The following LEPR variants were observed in gnomAD, a reference collection of about 807,000 sequenced individuals.
LEPR encodes OB receptor.
Under a neutral mutation model 114.7 loss-of-function variants are expected in LEPR, and 56 were observed. The observed-to-expected ratio is 0.49, with a 90% confidence interval of 0.39 to 0.61. LEPR has a LOEUF of 0.61. Among genes scored for constraint, LEPR ranks in the 20% least tolerant of loss-of-function variants. The probability of loss-of-function intolerance (pLI) is 0.00; values close to 1 mark genes in which losing one functional copy is unlikely to be tolerated. For missense variants in LEPR, 1,202 were observed against 1,352.9 expected, an observed-to-expected ratio of 0.89 and a Z score of 1.75; for synonymous variants, 443 against 461.4, an observed-to-expected ratio of 0.96 and a Z score of 0.51.
chr1:65,609,561 G>A (rs1657035176), intron 12 of LEPR, among the ~76,000 whole-genome samples: 1 of 152,180 alleles, frequency 6.6e-6, no homozygotes, highest in Non-Finnish European at 1.5e-5. Flanking sequence ...GAAGAATACT[G>A]AATATCAGCG....
intron 5 of LEPR, chr1:65,576,971 T>G: frequency 3.1e-6 from 1 of 322,848 alleles, no homozygotes. Context: ...CTCCAGCCAT[T>G]ATCGGTGACT....
At chr1:65,519,471 C>T (rs574798996) in intron 2 of LEPR, among the ~76,000 whole-genome samples, 2 of 152,026 alleles carry the variant, frequency 1.3e-5, no homozygotes, top group East Asian at 1.9e-4. Flanking sequence ...CTTTCATGTC[C>T]GTATTTCTAT....
Position 65,570,762 on chromosome 1 carries a change from A to G in LEPR, c.330A>G (p.Thr110=). The G allele has an allele frequency of 6.3e-7, 1 of 1,576,828 alleles. No homozygotes were observed. Among genetic ancestry groups the G allele is most frequent in the South Asian group, 1.2e-5 (1 of 85,106 alleles). Residue 110 remains threonine, a synonymous_variant, in exon 4 of 20, where the codon ACA becomes ACG. Transcript: ENST00000349533. ...GTGCAGACAACATTGAAGGAAAGAC[A>G]TTTGTTTCAACAGTAAATTCTTTAG... is the stretch of plus-strand genomic sequence containing the variant. ...SLCADNIEGK[T]FVSTVNSLVF... is the part of the protein sequence containing the mutation.
intron 11 of LEPR, among the ~76,000 whole-genome samples, chr1:65,606,006 A>G (rs1656783925): frequency 6.6e-6 from 1 of 152,198 alleles, no homozygotes; most frequent in South Asian, 2.1e-4. Flanking sequence ...ATTCCTCAGT[A>G]GGAAACATGT....
In LEPR at chr1:65,633,585, G is replaced by A; in HGVS notation, c.2674-2606G>A. On this transcript the variant is annotated intron_variant, in intron 19 of 19. Transcript: ENST00000349533. This position sits in a 1 kb window ranked among gnomAD's most constrained non-coding sequence, Gnocchi z 4.1. Reference sequence around the variant, plus strand: ...CTAAAACTGCAACATCTGACAAATAGCTTTAAAAATACAATGATTATAAGT... The same window carrying A: ...CTAAAACTGCAACATCTGACAAATAACTTTAAAAATACAATGATTATAAGT... The A allele has an allele frequency of 1.0e-6, 1 of 992,814 alleles. No homozygotes were observed. Among genetic ancestry groups the A allele is most frequent in the Non-Finnish European group, 1.2e-6 (1 of 833,856 alleles). 61.5% of individuals were successfully genotyped at this position (992,814 alleles called of 1,614,324 possible). A position where few individuals can be genotyped will look rare whatever the true frequency, so the allele number is the denominator to read the frequency against.
chr1:65,586,665 G>C (rs1655339168), intron 5 of LEPR, among the ~76,000 whole-genome samples: 2 of 151,606 alleles, frequency 1.3e-5, no homozygotes, highest in Non-Finnish European at 1.5e-5. Flanking sequence ...TAGCTCACAG[G>C]CTGTACAAAA....
At chr1:65,473,160 A>G (rs1475289391) in intron 2 of LEPR, among the ~76,000 whole-genome samples, 1 of 152,170 alleles carries the variant, frequency 6.6e-6, no homozygotes, top group Non-Finnish European at 1.5e-5. Flanking sequence ...CTTCATATGC[A>G]TTGTTTGTAA....
intron 2 of LEPR, among the ~76,000 whole-genome samples, chr1:65,506,587 A>G (rs1419575761): frequency 6.6e-6 from 1 of 152,168 alleles, no homozygotes; most frequent in Non-Finnish European, 1.5e-5. Flanking sequence ...CTTTTTTCTT[A>G]TAAATAATTA....
chr1:65,558,158 G>T (rs1387287316), intron 2 of LEPR, among the ~76,000 whole-genome samples: 1 of 152,146 alleles, frequency 6.6e-6, no homozygotes, highest in Non-Finnish European at 1.5e-5. Context: ...TATTTTATGA[G>T]AACATCTTAT....
intron 2 of LEPR, among the ~76,000 whole-genome samples, chr1:65,510,399 T>C (rs980996287): frequency 3.9e-5 from 6 of 152,156 alleles, no homozygotes; most frequent in Non-Finnish European, 7.4e-5. Context: ...ACTGGATCAA[T>C]TGAGCTTTAG....
intron 2 of LEPR, among the ~76,000 whole-genome samples, chr1:65,564,635 T>G (rs1037669803): frequency 6.6e-6 from 1 of 152,228 alleles, no homozygotes; most frequent in African/African-American, 2.4e-5. Flanking sequence ...GTTTCCATTT[T>G]AAATTACATC....
chr1:65,459,639 C>T (rs372665230), intron 2 of LEPR, among the ~76,000 whole-genome samples: 289 of 152,324 alleles, frequency 1.9e-3, no homozygotes, highest in South Asian at 5.8e-3. Flanking sequence ...GCTCTGCCAT[C>T]CCAACCCAGG....
intron 2 of LEPR, among the ~76,000 whole-genome samples, chr1:65,485,118 C>T (rs990365240): frequency 6.6e-6 from 1 of 152,112 alleles, no homozygotes; most frequent in Non-Finnish European, 1.5e-5. Context: ...GTTCAAATTC[C>T]ATCCATGCCA....
rs1656734780 is a variant in LEPR, at chr1:65,605,244, C to G, written c.1603+7C>G. 6.2e-7 allele frequency: 1 copy of G among 1,613,750 alleles called. No homozygotes were observed. The highest frequency in any genetic ancestry group is 1.3e-5 in the African/African-American group (1 of 74,896). On this transcript the variant is annotated splice_region_variant and intron_variant, in intron 11 of 19. Coordinates refer to ENST00000349533, the MANE Select transcript of LEPR (RefSeq NM_002303.6). ...GTCCTTCCTGATTCTGTGGGTATGT[C>G]AAGCTGCGTTGTGTCTTCATTTGTG...
chr1:65,595,370 A>G (rs898370674), intron 6 of LEPR, among the ~76,000 whole-genome samples: 3 of 152,052 alleles, frequency 2.0e-5, no homozygotes, highest in African/African-American at 7.2e-5. Flanking sequence ...CCAGTTTGAT[A>G]CTGATAACTT....
Position 65,598,095 on chromosome 1 carries a change from C to CTT in LEPR, c.850-546_850-545dup, listed in dbSNP as rs1226626771. On this transcript the variant is annotated intron_variant, in intron 7 of 19. Transcript: ENST00000349533. ...CTAGGCTCAAGTGATCCTCCTGCCT[C>CTT]TTTTTTTTTTTTTTTTTTTTAAGAG... 1.4e-3 allele frequency among the ~76,000 whole-genome samples: 147 copies of CTT among 101,476 alleles called. 8 individuals are homozygous for CTT. Among genetic ancestry groups the CTT allele is most frequent in the African/African-American group, 3.7e-3 (84 of 22,650 alleles). 66.6% of individuals were successfully genotyped at this position (101,476 alleles called of 152,430 possible). A position where few individuals can be genotyped will look rare whatever the true frequency, so the allele number is the denominator to read the frequency against.
At chr1:65,611,934 T>C (rs74081930) in intron 14 of LEPR, among the ~76,000 whole-genome samples, 3,240 of 152,308 alleles carry the variant, frequency 0.021, 127 homozygotes, top group African/African-American at 0.072. Context: ...CTATGGGTTC[T>C]TTAGGGGTGA....
At chr1:65,598,986 CT>C (rs772179524) in intron 8 of LEPR, among the ~76,000 whole-genome samples, 182 bp downstream of exon 8, 2 of 152,034 alleles carry the variant, frequency 1.3e-5, no homozygotes, top group East Asian at 1.9e-4. Context: ...AGCCTCTAGG[CT>C]TGTGTGTTTC....
chr1:65,628,349 T>A (rs1047593787), intron 19 of LEPR, among the ~76,000 whole-genome samples: 1 of 152,200 alleles, frequency 6.6e-6, no homozygotes, highest in Non-Finnish European at 1.5e-5. Flanking sequence ...TCTTCATTTT[T>A]AAAATAAATA....
Sources: allele counts gnomAD v4.1 joint callset (sites outside exome capture counted in the v4.1 genomes callset), GRCh38; gene constraint gnomAD v4.1.1; non-coding constraint Gnocchi (gnomAD v3.1); transcripts MANE v1.5; gene names NCBI Gene and HGNC (gene_info 2026-07-23, HGNC 2026-07-21).